The following MEIOB variants were observed in gnomAD, a reference collection of about 807,000 sequenced individuals.
MEIOB encodes meiosis-specific with OB domain-containing protein.
MEIOB carries 50 observed loss-of-function variants against 53.1 expected under a neutral mutation model. That is an observed-to-expected ratio of 0.94 (90% CI 0.75 to 1.19). MEIOB has a LOEUF of 1.19. MEIOB is among the 50% of genes most tolerant of loss of function. The pLI is 0.00. For missense variants in MEIOB, 551 were observed against 550.8 expected (o/e 1.00, Z 0.00); for synonymous variants, 192 against 182.5 (o/e 1.05, Z -0.42).
Position 1,844,990 on chromosome 16 carries a change from A to G in MEIOB, c.779-27T>C, listed in dbSNP as rs116866098. 1.1e-3 allele frequency: 1,103 copies of G among 984,708 alleles called. 2 individuals carry two copies. Among genetic ancestry groups the G allele is most frequent in the Non-Finnish European group, 1.6e-3 (1,028 of 638,846 alleles). 61.0% of individuals were successfully genotyped at this position (984,708 alleles called of 1,614,324 possible). A position where few individuals can be genotyped will look rare whatever the true frequency, so the allele number is the denominator to read the frequency against. On this transcript the variant is annotated intron_variant, in intron 9 of 13. Coordinates refer to ENST00000325962, the MANE Select transcript of MEIOB (RefSeq NM_001163560.3). ...TTAAATTGAAAATGCATAATAAGTA[A>G]AAAGCAAACTGATTATCATTTAAAT...
chr16:1,852,097 C>A (rs1035977086), intron 9 of MEIOB, among the ~76,000 whole-genome samples: 1 of 152,108 alleles, frequency 6.6e-6, no homozygotes, highest in Non-Finnish European at 1.5e-5. Flanking sequence ...ACTGTGTGCA[C>A]GCATGCATGT....
intron 3 of MEIOB, among the ~76,000 whole-genome samples, chr16:1,865,411 G>A (rs1286165043): frequency 7.0e-6 from 1 of 141,914 alleles, no homozygotes; most frequent in African/African-American, 2.6e-5. Context: ...CAGCCTGAGT[G>A]ACAGAGCGAG....
chr16:1,869,505 T>G (rs1812847386), intron 1 of MEIOB, among the ~76,000 whole-genome samples: 1 of 151,956 alleles, frequency 6.6e-6, no homozygotes, highest in African/African-American at 2.4e-5. Flanking sequence ...TGGAGTGCAG[T>G]GGTGCAATCT....
At chr16:1,840,269 C>T (rs1462400771) in intron 11 of MEIOB, 2 of 152,148 alleles carry the variant, frequency 1.3e-5, no homozygotes, top group Admixed American at 1.3e-4. Flanking sequence ...TACACAGCAT[C>T]CTCCACATTA....
At chr16:1,837,565 G>C (rs926191363) in intron 13 of MEIOB, 3 of 342,942 alleles carry the variant, frequency 8.7e-6, no homozygotes, top group African/African-American at 6.4e-5. Flanking sequence ...TATTTTCTTT[G>C]TTGGTCTATT....
chr16:1,856,046 G>C (rs1016121737), intron 6 of MEIOB, among the ~76,000 whole-genome samples: 1 of 151,770 alleles, frequency 6.6e-6, no homozygotes, highest in Admixed American at 6.6e-5. Flanking sequence ...CCAGGCTGGA[G>C]TGCAGTGGCG....
chr16:1,867,076 T>C (rs1899611739), intron 2 of MEIOB, among the ~76,000 whole-genome samples: 1 of 152,152 alleles, frequency 6.6e-6, no homozygotes, highest in South Asian at 2.1e-4. Flanking sequence ...ACAATTGTTA[T>C]TTTTTAATAT....
chr16:1,863,356 T>A (rs145050079), intron 3 of MEIOB, among the ~76,000 whole-genome samples: 56 of 29,076 alleles, frequency 1.9e-3, no homozygotes, highest in Admixed American at 1.8e-3. Flanking sequence ...TAATTTTTGT[T>A]TTTTGTTTTT....
intron 3 of MEIOB, among the ~76,000 whole-genome samples, chr16:1,864,591 C>T (rs1441633760): frequency 2.0e-5 from 3 of 150,884 alleles, no homozygotes; most frequent in East Asian, 3.9e-4. Flanking sequence ...CAGGTTCAAG[C>T]GATTCTCCTG....
intron 2 of MEIOB, among the ~76,000 whole-genome samples, chr16:1,867,553 G>A (rs1899626977): frequency 7.4e-6 from 1 of 134,808 alleles, no homozygotes; most frequent in Non-Finnish European, 1.5e-5. Context: ...TCGGCTCACT[G>A]AGACCGCCTT....
At position 1,844,867 on chromosome 16, in the gene MEIOB, A is replaced by G. The variant is rs1445191277; in HGVS notation, c.875T>C (p.Ile292Thr). 5.3e-6 allele frequency: 8 copies of G among 1,514,782 alleles called. No individual in the cohort carries two copies. The highest frequency in any genetic ancestry group is 5.3e-5 in the Admixed American group (3 of 56,816). 93.8% of individuals were successfully genotyped at this position (1,514,782 alleles called of 1,614,324 possible). A position where few individuals can be genotyped will look rare whatever the true frequency, so the allele number is the denominator to read the frequency against. Residue 292 changes from isoleucine to threonine, a missense_variant, in exon 10 of 14, where the codon ATA becomes ACA. Ile to Thr is a moderately conservative substitution (Grantham distance 89, BLOSUM62 -1). Coordinates refer to ENST00000325962, the MANE Select transcript of MEIOB (RefSeq NM_001163560.3). ...DEIDSYFKESINLSTIVDVYT... is the reference protein window; with the variant it reads ...DEIDSYFKESTNLSTIVDVYT... ...ATATTTAAACGGTCACTTACAATTT[A>G]TGGATTCTTTGAAATAACTGTCAAT...
At position 1,854,091 on chromosome 16, in the gene MEIOB, G is replaced by A. The variant is rs574127397; in HGVS notation, c.629+9C>T. 59 of 1,502,060 alleles carry A rather than the reference G, an allele frequency of 3.9e-5. No homozygotes were observed. In the Admixed American group the frequency reaches 7.6e-4, roughly 19 times the overall value. 93.0% of individuals were successfully genotyped at this position (1,502,060 alleles called of 1,614,324 possible). On this transcript the variant is annotated intron_variant, in intron 7 of 13. Transcript: ENST00000325962. ...GATTTCACAGTTTGGAACAGACATCGGTGTTTACCATGTCATCGCAAAAGA... is the reference window on the plus strand; with the variant it reads ...GATTTCACAGTTTGGAACAGACATCAGTGTTTACCATGTCATCGCAAAAGA...
At chr16:1,837,090 T>A (rs1455583288) in intron 13 of MEIOB, among the ~76,000 whole-genome samples, 1 of 152,152 alleles carries the variant, frequency 6.6e-6, no homozygotes, top group East Asian at 1.9e-4. Context: ...CTTTTCCTCC[T>A]CTGACACCTT....
At chr16:1,865,415 G>A (rs908346122) in intron 3 of MEIOB, among the ~76,000 whole-genome samples, 1 of 137,388 alleles carries the variant, frequency 7.3e-6, no homozygotes, top group Non-Finnish European at 1.6e-5. Context: ...CTGAGTGACA[G>A]AGCGAGCCTC....
chr16:1,850,422 C>T (rs1368529328), intron 9 of MEIOB, among the ~76,000 whole-genome samples: 2 of 151,442 alleles, frequency 1.3e-5, no homozygotes, highest in Non-Finnish European at 2.9e-5. Flanking sequence ...CTACTAAAAG[C>T]ATAAAAATTA....
intron 12 of MEIOB, among the ~76,000 whole-genome samples, chr16:1,838,307 C>T (rs62038406): frequency 0.18 from 27,053 of 152,036 alleles, 2,570 homozygotes; most frequent in South Asian, 0.27. Flanking sequence ...GCCAACTCAA[C>T]TGTTTTGATA....
intron 13 of MEIOB, among the ~76,000 whole-genome samples, chr16:1,836,980 T>G (rs12325218): frequency 0.18 from 27,054 of 152,066 alleles, 2,568 homozygotes; most frequent in South Asian, 0.27. Context: ...GTGAAGCAAC[T>G]AGGCTGGCTG....
At chr16:1,838,006 T>C in intron 12 of MEIOB, 136 bp from the exon 13 acceptor site, 1 of 1,437,462 alleles carries the variant, frequency 7.0e-7, no homozygotes, top group African/African-American at 1.4e-5. Context: ...TCGTTTGTTT[T>C]TGTTTGTAGA....
chr16:1,860,331 C>A, intron 5 of MEIOB, 72 bp downstream of exon 5: 2 of 782,428 alleles, frequency 2.6e-6, no homozygotes, highest in African/African-American at 1.8e-5. Context: ...TTAGTAAGAT[C>A]TCTGCTAATC....
Sources: allele counts gnomAD v4.1 joint callset (sites outside exome capture counted in the v4.1 genomes callset), GRCh38; gene constraint gnomAD v4.1.1; transcripts MANE v1.5; gene names NCBI Gene and HGNC (gene_info 2026-07-23, HGNC 2026-07-21).